The following PPARGC1A variants were observed in gnomAD, a reference collection of about 807,000 sequenced individuals.
PPARGC1A encodes the protein peroxisome proliferator-activated receptor gamma coactivator 1-alpha.
A neutral mutation model predicts 88.7 loss-of-function variants in PPARGC1A; 25 were observed. The observed-to-expected ratio is 0.28, with a 90% CI of 0.21 to 0.39. PPARGC1A has a LOEUF of 0.39. Among genes scored for constraint, PPARGC1A ranks in the 10% least tolerant of loss-of-function variants. PPARGC1A has a pLI of 1.00. For synonymous variants in PPARGC1A, 363 were observed against 355.6 expected (o/e 1.02, Z -0.24); for missense variants, 880 against 968.7 (o/e 0.91, Z 1.22).
At chr4:23,895,974 GTGTGTGTATA>G (rs777859219) in intron 1 of PPARGC1A, among the ~76,000 whole-genome samples, 10,707 of 76,866 alleles carry the variant, frequency 0.14, 484 homozygotes, top group Non-Finnish European at 0.2. Context: ...GTGTGTGTGT[GTGTGTGTATA>G]TATATATACA....
chr4:24,111,218 G>A, the PPARGC1A span, among the ~76,000 whole-genome samples: 1 of 152,120 alleles, frequency 6.6e-6, no homozygotes, highest in African/African-American at 2.4e-5. Flanking sequence ...ATGAGTGGGA[G>A]AGCCAGCTTT....
chr4:24,189,188 T>A, the PPARGC1A span, among the ~76,000 whole-genome samples: 1 of 152,110 alleles, frequency 6.6e-6, no homozygotes, highest in African/African-American at 2.4e-5. Flanking sequence ...AGAGCTTCAG[T>A]TTGAAGCTCT....
the PPARGC1A span, among the ~76,000 whole-genome samples, chr4:24,286,294 G>A: frequency 6.6e-6 from 1 of 152,172 alleles, no homozygotes; most frequent in Non-Finnish European, 1.5e-5. Flanking sequence ...GAAAGGTATA[G>A]AATTATCTAT....
chr4:24,043,325 G>A, the PPARGC1A span, among the ~76,000 whole-genome samples: 5 of 152,078 alleles, frequency 3.3e-5, no homozygotes, highest in African/African-American at 1.2e-4. Context: ...AACTCAACTT[G>A]TTCAAACTCT....
At chr4:24,392,558 A>T in the PPARGC1A span, among the ~76,000 whole-genome samples, 4 of 152,196 alleles carry the variant, frequency 2.6e-5, no homozygotes, top group African/African-American at 9.7e-5. Flanking sequence ...CATTTTTATC[A>T]CCTTCCCTTC....
the PPARGC1A span, among the ~76,000 whole-genome samples, chr4:24,198,330 A>AG: frequency 6.6e-6 from 1 of 152,126 alleles, no homozygotes; most frequent in African/African-American, 2.4e-5. Flanking sequence ...CTCTGTTCAG[A>AG]TCCATCCAAT....
chr4:24,175,353 T>G, the PPARGC1A span, among the ~76,000 whole-genome samples: 10,931 of 144,112 alleles, frequency 0.076, 422 homozygotes, highest in Non-Finnish European at 0.084. Flanking sequence ...CGGGTTTTTG[T>G]TTTTTTTTTT....
At chr4:24,223,357 C>A in the PPARGC1A span, among the ~76,000 whole-genome samples, 1 of 149,732 alleles carries the variant, frequency 6.7e-6, no homozygotes, top group Non-Finnish European at 1.5e-5. Context: ...TCAAGCGATT[C>A]TCCTGCCTCA....
intron 10 of PPARGC1A, among the ~76,000 whole-genome samples, chr4:23,812,178 A>G (rs1208658993): frequency 6.6e-6 from 1 of 151,820 alleles, no homozygotes; most frequent in Non-Finnish European, 1.5e-5. Context: ...TCTGGCCTTA[A>G]GTGATCCACA....
chr4:24,131,583 T>G, the PPARGC1A span, among the ~76,000 whole-genome samples: 4 of 152,214 alleles, frequency 2.6e-5, no homozygotes, highest in Non-Finnish European at 5.9e-5. Context: ...CTAATCAGAT[T>G]GGACAAATGG....
the PPARGC1A span, among the ~76,000 whole-genome samples, chr4:23,946,325 TAGAG>T: frequency 1.4e-4 from 22 of 152,128 alleles, no homozygotes; most frequent in Non-Finnish European, 1.5e-4. Context: ...TCTATTTTCA[TAGAG>T]AGAGAGCCTC....
chr4:24,282,501 G>C, the PPARGC1A span, among the ~76,000 whole-genome samples: 989 of 152,354 alleles, frequency 6.5e-3, 4 homozygotes, highest in Non-Finnish European at 0.011. Context: ...GCAGCTCTCT[G>C]ATTTCATAGG....
the PPARGC1A span, among the ~76,000 whole-genome samples, chr4:24,029,114 G>A: frequency 1.3e-5 from 2 of 152,178 alleles, no homozygotes; most frequent in East Asian, 1.9e-4. Context: ...CCTACAAAGA[G>A]AACCAAAAAT....
chr4:24,380,672 T>C, the PPARGC1A span, among the ~76,000 whole-genome samples: 2 of 152,210 alleles, frequency 1.3e-5, no homozygotes, highest in East Asian at 3.9e-4. Context: ...GGAGGATCCA[T>C]GGAAACAGAA....
At chr4:24,291,051 C>G in the PPARGC1A span, among the ~76,000 whole-genome samples, 1 of 152,156 alleles carries the variant, frequency 6.6e-6, no homozygotes, top group Non-Finnish European at 1.5e-5. Context: ...TCTGGTTAGC[C>G]CTTAATCTGG....
upstream of PPARGC1A, among the ~76,000 whole-genome samples, chr4:23,901,185 G>T (rs111526662): frequency 3.2e-4 from 49 of 152,214 alleles, no homozygotes; most frequent in African/African-American, 1.2e-3. Flanking sequence ...GGCTAACACG[G>T]TGAAACCCCA....
the PPARGC1A span, among the ~76,000 whole-genome samples, chr4:24,149,748 C>T: frequency 5.9e-5 from 9 of 152,140 alleles, no homozygotes; most frequent in Non-Finnish European, 1.2e-4. Context: ...TCCCGAGCAG[C>T]GTGGAAGCTT....
At chr4:24,467,497 G>A in the PPARGC1A span, among the ~76,000 whole-genome samples, 6 of 152,028 alleles carry the variant, frequency 3.9e-5, no homozygotes, top group African/African-American at 9.7e-5. Context: ...GCTCATCTCC[G>A]GGGATGCCAA....
the PPARGC1A span, among the ~76,000 whole-genome samples, chr4:24,097,814 A>G: frequency 6.6e-6 from 1 of 152,118 alleles, no homozygotes; most frequent in Non-Finnish European, 1.5e-5. Flanking sequence ...TTCTCTCTGT[A>G]AAATACCTAA....
Sources: gnomAD v4.1 joint callset for allele counts (sites outside exome capture counted in the v4.1 genomes callset) on GRCh38, gnomAD v4.1.1 for gene constraint, MANE v1.5 for transcripts, NCBI Gene and HGNC (gene_info 2026-07-23, HGNC 2026-07-21) for gene names.